The following HSPG2 variants were observed in gnomAD, a reference collection of about 807,000 sequenced individuals.
HSPG2 encodes basement membrane-specific heparan sulfate proteoglycan core protein.
A neutral mutation model predicts 526.6 loss-of-function variants in HSPG2; 278 were observed. That is an observed-to-expected ratio of 0.53 (90% confidence interval 0.48 to 0.58). The LOEUF (loss-of-function observed/expected upper bound fraction) is 0.58, where lower values mean the gene tolerates loss of function less well. HSPG2 is among the 20% of genes least tolerant of loss of function. HSPG2 has a pLI of 0.00. For synonymous variants in HSPG2, 2,465 were observed against 2,555.4 expected, an observed-to-expected ratio of 0.96 and a Z score of 1.07; for missense variants, 5,354 against 6,099.5, an observed-to-expected ratio of 0.88 and a Z score of 4.07.
At chr1:21,889,913 G>T in intron 6 of HSPG2, 68 bp downstream of exon 6, 1 of 1,545,800 alleles carries the variant, frequency 6.5e-7, no homozygotes, top group Non-Finnish European at 8.9e-7. Flanking sequence ...GGGAGCCTAT[G>T]GCAGAGACAC....
rs546463265 is a variant in HSPG2 at position 21,850,289 on chromosome 1, T to C, written c.7294+74A>G. 11 of 1,608,398 alleles carry C rather than the reference T, an allele frequency of 6.8e-6. No homozygotes were observed. The African/African-American group carries it at 1.3e-4, about 19-fold the overall frequency. On this transcript the variant is annotated intron_variant, in intron 56 of 96. Transcript: ENST00000374695. ...AGGTGCAGTCTGCGGCTTGGCCTCC[T>C]GATCCTGCCGTTGCAAGAGTGGGGG...
At chr1:21,930,231 C>A (rs555147823) in intron 1 of HSPG2, among the ~76,000 whole-genome samples, 1 of 152,154 alleles carries the variant, frequency 6.6e-6, no homozygotes, top group African/African-American at 2.4e-5. Flanking sequence ...TTGATATCTG[C>A]GAGGCTCACC....
rs956441976 is a variant in HSPG2, at chr1:21,904,840, C to A, written c.64-8530G>T. Among the ~76,000 whole-genome samples, 4 of 152,182 alleles carry A rather than the reference C, an allele frequency of 2.6e-5. No homozygotes were observed. The highest frequency in any genetic ancestry group is 2.0e-4 in the Admixed American group (3 of 15,290). On this transcript the variant is annotated intron_variant, in intron 1 of 96. Transcript: ENST00000374695. This position sits in a 1 kb window ranked among gnomAD's most constrained non-coding sequence, Gnocchi z 4.4. ...TGCAGCCTGGCTTGGTTCTCAGGTT[C>A]TCCGGCTCCCAGCTGCCCTGCTGCC...
chr1:21,868,505 C>T (rs1401426443), intron 33 of HSPG2, among the ~76,000 whole-genome samples: 9 of 152,208 alleles, frequency 5.9e-5, no homozygotes, highest in African/African-American at 2.2e-4. Flanking sequence ...CCAGGGCCCA[C>T]TCGGCCTGTA....
chr1:21,888,013 T>C lies in HSPG2; in HGVS notation c.628A>G (p.Asn210Asp), dbSNP rs1409738363. 6.2e-7 allele frequency: 1 copy of C among 1,613,986 alleles called. No homozygotes were observed. Among genetic ancestry groups the C allele is most frequent in the African/African-American group, 1.3e-5 (1 of 74,908 alleles). ...CGATACTCCAGGGCCACACACTCAT[T>C]GTAGCTGTGGCAGGCAAACTCGGCC... ...TEAEFACHSY[N>D]ECVALEYRCD... Residue 210 changes from asparagine (N) to aspartate (D), a missense_variant, in exon 7 of 97, where the codon AAT (asparagine) becomes GAT (aspartate). Physicochemically the swap from Asn to Asp is conservative, Grantham distance 23. Coordinates refer to ENST00000374695, the MANE Select transcript of HSPG2 (RefSeq NM_005529.7).
intron 1 of HSPG2, among the ~76,000 whole-genome samples, chr1:21,932,562 A>G (rs1486439398): frequency 6.6e-6 from 1 of 152,256 alleles, no homozygotes; most frequent in Non-Finnish European, 1.5e-5. Context: ...GAGGAAGCAG[A>G]TAAACACATA....
chr1:21,881,558 C>A, intron 13 of HSPG2, 56 bp from the exon 14 acceptor site: 3 of 1,451,092 alleles, frequency 2.1e-6, no homozygotes, highest in Non-Finnish European at 1.9e-6. Flanking sequence ...CTGATACACC[C>A]ATCTTGAGGG....
In HSPG2 at chr1:21,848,703, G is replaced by C; in HGVS notation, c.7677C>G (p.Ser2559Arg). 6.2e-7 allele frequency: 1 copy of C among 1,613,922 alleles called. No homozygotes were observed. Among genetic ancestry groups the C allele is most frequent in the Non-Finnish European group, 8.5e-7 (1 of 1,179,986 alleles). The change falls in exon 59 of 97, where the codon AGC becomes AGG. Residue 2559 changes from serine (S) to arginine (R), a missense_variant. Coordinates refer to ENST00000374695, the MANE Select transcript of HSPG2 (RefSeq NM_005529.7). The surrounding 1 kb of genome is among the most constrained non-coding windows in gnomAD (Gnocchi z 4.9). ...ACCAGGTGATGGTGTGGGGAGCCTG[G>C]CTGGCAACCAGGCAGTTGAGGTCCA... is the stretch of plus-strand genomic sequence containing the variant. ...HTLDLNCLVASQAPHTITWYK... is the reference protein window; with the variant it reads ...HTLDLNCLVARQAPHTITWYK...
At position 21,860,202 on chromosome 1, in the gene HSPG2, C is replaced by A; in HGVS notation, c.4989G>T (p.Val1663=). The A allele has an allele frequency of 6.2e-7, 1 of 1,613,812 alleles. No individual in the cohort carries two copies. Among genetic ancestry groups the A allele is most frequent in the East Asian group, 2.2e-5 (1 of 44,868 alleles). ...TCTCTGGCAGGCACTGGCCCCCTTG[C>A]ACACTGGGGTTACCCACGTAACCTG... ...CGPGYVGNPS[V]QGGQCLPETN... is the part of the protein sequence containing the mutation. The change falls in exon 40 of 97, where the codon GTG becomes GTT. Residue 1663 remains valine, a synonymous_variant. Coordinates refer to ENST00000374695, the MANE Select transcript of HSPG2 (RefSeq NM_005529.7).
chr1:21,836,295 G>C (rs1338775843), intron 75 of HSPG2, among the ~76,000 whole-genome samples: 3 of 152,170 alleles, frequency 2.0e-5, no homozygotes, highest in African/African-American at 7.2e-5. Flanking sequence ...ACCAAGCACT[G>C]TGCAAGTGCT....
At chr1:21,863,067 A>AACAAAAAAAAAAAC (rs1639937317) in intron 37 of HSPG2, among the ~76,000 whole-genome samples, 1 of 75,190 alleles carries the variant, frequency 1.3e-5, no homozygotes, top group African/African-American at 5.3e-5. Context: ...TCTCAAAAAA[A>AACAAAAAAAAAAAC]AAAAAAAAAA....
chr1:21,863,072 A>AAAAAC (rs1639943190), intron 37 of HSPG2, among the ~76,000 whole-genome samples: 2 of 137,060 alleles, frequency 1.5e-5, no homozygotes, highest in Non-Finnish European at 3.1e-5. Context: ...AAAAAAAAAA[A>AAAAAC]AAAAAAAAAA....
rs762392844 is a variant in HSPG2 at position 21,885,463 on chromosome 1, G to A, written c.1079-12C>T. The A allele has an allele frequency of 1.9e-6, 3 of 1,613,858 alleles. No homozygotes were observed. Among genetic ancestry groups the A allele is most frequent in the Non-Finnish European group, 2.5e-6 (3 of 1,179,964 alleles). On this transcript the variant is annotated splice_polypyrimidine_tract_variant and intron_variant, in intron 9 of 96. Transcript: ENST00000374695. The stretch of plus-strand genomic sequence containing the variant: ...AGGACGCTTGGTGGCTGGGGACAAA[G>A]CCAGGTGGTTCCCAATAGCCCACCC...
In HSPG2 at chr1:21,884,638, C is replaced by T. The variant is rs1641744986; in HGVS notation, c.1544G>A (p.Ser515Asn). 6.2e-7 allele frequency: 1 copy of T among 1,611,732 alleles called. No individual in the cohort carries two copies. The highest frequency in any genetic ancestry group is 8.5e-7 in the Non-Finnish European group (1 of 1,179,772). ...CPDGHFYLEHSAACLPCFCFG... is the reference protein window; with the variant it reads ...CPDGHFYLEHNAACLPCFCFG... ...GCAGAAGCAGGGCAGGCAGGCGGCG[C>T]TGTGCTCCAGGTAGAAGTGGCCGTC... is the stretch of plus-strand genomic sequence containing the variant. The change falls in exon 13 of 97, where the codon AGC becomes AAC. Residue 515 changes from serine (S) to asparagine (N), a missense_variant. Coordinates refer to ENST00000374695, the MANE Select transcript of HSPG2 (RefSeq NM_005529.7).
chr1:21,893,149 T>A lies in HSPG2; in HGVS notation c.245-2455A>T, dbSNP rs1480745548. ...GATTCCCATCCCTGCTCAACAGAAC[T>A]CTCTGCAACACACCCAGGCCCCCGA... On this transcript the variant is annotated intron_variant, in intron 3 of 96. Transcript: ENST00000374695. This position sits in a 1 kb window ranked among gnomAD's most constrained non-coding sequence, Gnocchi z 4.3. Among the ~76,000 whole-genome samples the A allele has an allele frequency of 6.6e-6, 1 of 152,096 alleles. No individual in the cohort carries two copies. The highest frequency in any genetic ancestry group is 1.5e-5 in the Non-Finnish European group (1 of 68,024).
In HSPG2 at chr1:21,902,187, T is replaced by C. The variant is rs1222113753; in HGVS notation, c.64-5877A>G. ...GACACAAAGGCCAAAAGGCCTTTAATCCCCTGGCAGTCTGAGAGGGGCGCC... is the reference window on the plus strand; with the variant it reads ...GACACAAAGGCCAAAAGGCCTTTAACCCCCTGGCAGTCTGAGAGGGGCGCC... On this transcript the variant is annotated intron_variant, in intron 1 of 96. Transcript: ENST00000374695. Among the ~76,000 whole-genome samples, 4 of 152,096 alleles carry C rather than the reference T, an allele frequency of 2.6e-5. No homozygotes were observed. The East Asian group carries it at 7.7e-4, about 29-fold the overall frequency.
In HSPG2 at chr1:21,847,244, G is replaced by A. The variant is rs1331643801; in HGVS notation, c.8164+110C>T. Reference sequence around the variant, plus strand: ...AGCCACTGAACCCACGCATCTTTCCGCTGGCCCTTGCCTGAGTACCACCAG... The same window carrying A: ...AGCCACTGAACCCACGCATCTTTCCACTGGCCCTTGCCTGAGTACCACCAG... On this transcript the variant is annotated intron_variant, in intron 62 of 96. Coordinates refer to ENST00000374695, the MANE Select transcript of HSPG2 (RefSeq NM_005529.7). This position sits in a 1 kb window ranked among gnomAD's most constrained non-coding sequence, Gnocchi z 4.1. 1.1e-5 allele frequency: 14 copies of A among 1,252,350 alleles called. No homozygotes were observed. The highest frequency in any genetic ancestry group is 3.7e-4 in the Middle Eastern group (2 of 5,390). The allele number at this position is 1,252,350 out of a possible 1,614,324, so 77.6% of individuals were successfully genotyped here.
At chr1:21,901,153 G>A (rs1211092521) in intron 1 of HSPG2, among the ~76,000 whole-genome samples, 1 of 152,054 alleles carries the variant, frequency 6.6e-6, no homozygotes, top group Non-Finnish European at 1.5e-5. Flanking sequence ...TCAAGAAACT[G>A]TGAGCTTGTG....
In HSPG2 at chr1:21,836,961, GTGGACCCTGCTGGGA is replaced by G. The variant is rs1231376504; in HGVS notation, c.10181_10195del (p.Ile3394_Ser3398del). ...CTGAGGCGTGACCTGCACGGTGGGC[GTGGACCCTGCTGGGA>G]TGGAGGTGGCAGGGAGAGAGCCGGG... On this transcript the variant is annotated inframe_deletion, in exon 75 of 97. Coordinates refer to ENST00000374695, the MANE Select transcript of HSPG2 (RefSeq NM_005529.7). The G allele has an allele frequency of 1.9e-6, 3 of 1,554,922 alleles. No individual in the cohort carries two copies. Among genetic ancestry groups the G allele is most frequent in the Non-Finnish European group, 2.6e-6 (3 of 1,149,242 alleles).
Sources: allele counts gnomAD v4.1 joint callset (sites outside exome capture counted in the v4.1 genomes callset), GRCh38; gene constraint gnomAD v4.1.1; non-coding constraint Gnocchi (gnomAD v3.1); transcripts MANE v1.5; gene names NCBI Gene and HGNC (gene_info 2026-07-23, HGNC 2026-07-21).